RUFY2: variants seen among roughly 807,000 people sequenced by gnomAD.
RUFY2 encodes RUN and FYVE domain-containing protein 2.
Under a neutral mutation model 94.4 loss-of-function variants are expected in RUFY2, and 49 were observed. That is an observed-to-expected ratio of 0.52 (90% CI 0.41 to 0.66). The LOEUF (loss-of-function observed/expected upper bound fraction) is 0.66, where lower values mean the gene tolerates loss of function less well. Among genes scored for constraint, RUFY2 ranks in the 30% least tolerant of loss-of-function variants. The pLI, the probability that RUFY2 is intolerant of heterozygous loss-of-function variation, is 0.00. For missense variants in RUFY2, 541 were observed against 692.8 expected, an observed-to-expected ratio of 0.78 and a Z score of 2.46; for synonymous variants, 255 against 235.7, an observed-to-expected ratio of 1.08 and a Z score of -0.75.
chr10:68,366,468 C>T (rs564455095), intron 13 of RUFY2, among the ~76,000 whole-genome samples: 38 of 150,928 alleles, frequency 2.5e-4, no homozygotes, highest in African/African-American at 9.0e-4. Context: ...TCAGGCTGGG[C>T]GCAGTGGCTT....
rs775933343 is a variant in RUFY2 at position 68,345,806 on chromosome 10, C to A, written c.1783G>T (p.Ala595Ser). Reference sequence around the variant, plus strand: ...GATGAGCATCTCTGAATGAGCAGTGCATGACAGGAATCACAAACCCGTACT... The same window carrying A: ...GATGAGCATCTCTGAATGAGCAGTGAATGACAGGAATCACAAACCCGTACT... ...KPVRVCDSCH[A>S]LLIQRCSSNL... The change falls in exon 18 of 18, where the codon GCA becomes TCA. Residue 595 changes from alanine to serine, a missense_variant. This residue lies in a region of RUFY2 where 403 missense variants were observed against 480.7 expected (regional missense o/e 0.84). Coordinates refer to ENST00000602465, the MANE Select transcript of RUFY2 (RefSeq NM_001330103.2). 6.2e-7 allele frequency: 1 copy of A among 1,613,910 alleles called. No individual in the cohort carries two copies. The highest frequency in any genetic ancestry group is 1.1e-5 in the South Asian group (1 of 91,088).
chr10:68,345,953 AAAATT>A (rs752761418), intron 17 of RUFY2, 42 bp from the exon 18 acceptor site: 69 of 1,612,274 alleles, frequency 4.3e-5, no homozygotes, highest in Non-Finnish European at 5.8e-5. Flanking sequence ...CACTTTAAAT[AAAATT>A]AGCATTTTTG....
chr10:68,405,508 A>C (rs2051222391), intron 1 of RUFY2: 6 of 931,468 alleles, frequency 6.4e-6, no homozygotes, highest in Middle Eastern at 5.5e-4. Context: ...GGTGAGAGAC[A>C]ACAGGTTTAA....
chr10:68,400,428 G>A (rs2050728086), intron 3 of RUFY2, among the ~76,000 whole-genome samples: 2 of 152,056 alleles, frequency 1.3e-5, no homozygotes, highest in African/African-American at 2.4e-5. Flanking sequence ...TGTAATCCCA[G>A]CACTTTGGGA....
rs1203390579 is a variant in RUFY2 at position 68,376,440 on chromosome 10, G to GTATA, written c.1325+412_1325+413insTATA. Among the ~76,000 whole-genome samples, 155 of 48,232 alleles carry GTATA rather than the reference G, an allele frequency of 3.2e-3. 12 individuals carry two copies. The highest frequency in any genetic ancestry group is 0.012 in the East Asian group (12 of 1,020). The allele number at this position is 48,232 out of a possible 152,430, so 31.6% of individuals were successfully genotyped here. A position where few individuals can be genotyped will look rare whatever the true frequency, so the allele number is the denominator to read the frequency against. On this transcript the variant is annotated intron_variant, in intron 13 of 17. Transcript: ENST00000602465. ...GTGAAACTTCATCTCAAAAAAATGTGTGTATATATATATATATATATATAT... is the reference window on the plus strand; with the variant it reads ...GTGAAACTTCATCTCAAAAAAATGTGTATATGTATATATATATATATATATATAT...
intron 13 of RUFY2, among the ~76,000 whole-genome samples, chr10:68,376,446 A>C (rs1477960903): frequency 1.5e-4 from 1 of 6,526 alleles, no homozygotes; most frequent in South Asian, 3.3e-3. Context: ...ATGTGTGTAT[A>C]TATATATATA....
chr10:68,341,264 C>T, downstream of RUFY2: 1 of 1,606,026 alleles, frequency 6.2e-7, no homozygotes, highest in Non-Finnish European at 8.5e-7. Context: ...GTTTGTGACA[C>T]ATGAAGATGC....
Position 68,346,017 on chromosome 10 carries a change from G to A in RUFY2, c.1667C>T (p.Ser556Phe). ...CKLCEKEFSL[S>F]KRKHHCRNCG... Reference sequence around the variant, plus strand: ...TCTTATCTCCCTTACCTTTCTCTTAGAGAGTGAGAATTCCTTTTCACAAAG... The same window carrying A: ...TCTTATCTCCCTTACCTTTCTCTTAAAGAGTGAGAATTCCTTTTCACAAAG... The change falls in exon 17 of 18, where the codon TCT (serine) becomes TTT (phenylalanine). Residue 556 changes from serine (S) to phenylalanine (F), a missense_variant. Physicochemically the swap from Ser to Phe is radical, Grantham distance 155 (BLOSUM62 -2). Transcript: ENST00000602465. 3 of 1,613,658 alleles carry A rather than the reference G, an allele frequency of 1.9e-6. No homozygotes were observed. The highest frequency in any genetic ancestry group is 2.5e-6 in the Non-Finnish European group (3 of 1,179,774).
chr10:68,394,487 A>G (rs760839035), intron 4 of RUFY2, 36 bp from the exon 5 acceptor site: 2 of 1,487,858 alleles, frequency 1.3e-6, no homozygotes, highest in East Asian at 4.5e-5. Context: ...TTTAAATCAC[A>G]AATTTATTTC....
At position 68,345,714 on chromosome 10, in the gene RUFY2, C is replaced by T; in HGVS notation, c.*54G>A. ...GCTGTCTGGTTACCTTTGTATACAA[C>T]ATCATAACATTCATTGTAGGTAATT... On this transcript the variant is annotated 3_prime_UTR_variant, in exon 18 of 18. Coordinates refer to ENST00000602465, the MANE Select transcript of RUFY2 (RefSeq NM_001330103.2). 3.3e-6 allele frequency: 5 copies of T among 1,538,378 alleles called. No individual in the cohort carries two copies. Among genetic ancestry groups the T allele is most frequent in the Non-Finnish European group, 4.5e-6 (5 of 1,122,298 alleles).
intron 15 of RUFY2, among the ~76,000 whole-genome samples, chr10:68,359,537 T>TAA (rs2132436181): frequency 6.9e-6 from 1 of 145,970 alleles, no homozygotes; most frequent in East Asian, 2.0e-4. Flanking sequence ...TTTATATATA[T>TAA]AATGCTACTA....
downstream of RUFY2, chr10:68,342,019 G>C (rs777967068): frequency 1.4e-5 from 22 of 1,613,862 alleles, no homozygotes; most frequent in Non-Finnish European, 1.8e-5. Context: ...TGGGCAAGGC[G>C]GCATGAGTGG....
At chr10:68,405,036 C>T (rs1426123588) in intron 1 of RUFY2, among the ~76,000 whole-genome samples, 192 bp from the exon 2 acceptor site, 17 of 152,124 alleles carry the variant, frequency 1.1e-4, no homozygotes, top group Admixed American at 1.1e-3. Flanking sequence ...AATTTCCGGC[C>T]AGGCGCGGTG....
At chr10:68,363,753 T>C (rs2047620631) in intron 14 of RUFY2, 69 bp from the exon 15 acceptor site, 1 of 1,002,336 alleles carries the variant, frequency 1.0e-6, no homozygotes, top group East Asian at 2.6e-5. Flanking sequence ...ATTGTACATA[T>C]ACCATTAATT....
Position 68,384,002 on chromosome 10 carries a change from T to C in RUFY2, c.822+49A>G, listed in dbSNP as rs2049290124. On this transcript the variant is annotated intron_variant, in intron 9 of 17. Coordinates refer to ENST00000602465, the MANE Select transcript of RUFY2 (RefSeq NM_001330103.2). ...TACTTCATCCAAAAATCCCCAAAAA[T>C]GGTAATTTCTGACACGAGATTGTCT... is the stretch of plus-strand genomic sequence containing the variant. The C allele has an allele frequency of 3.2e-6, 5 of 1,585,102 alleles. No individual in the cohort carries two copies. The South Asian group carries it at 3.3e-5, about 11-fold the overall frequency.
intron 7 of RUFY2, among the ~76,000 whole-genome samples, chr10:68,387,771 G>A (rs934159761): frequency 4.0e-5 from 5 of 123,594 alleles, no homozygotes; most frequent in Non-Finnish European, 8.9e-5. Flanking sequence ...TTGGGAGGCC[G>A]AGGCGGGCAG....
At chr10:68,384,955 G>A (rs560832794) in intron 8 of RUFY2, among the ~76,000 whole-genome samples, 43 of 152,152 alleles carry the variant, frequency 2.8e-4, no homozygotes, top group African/African-American at 9.4e-4. Flanking sequence ...TCATGTGTTC[G>A]TTGGTTTGGA....
At chr10:68,377,095 G>T in intron 12 of RUFY2, 123 bp from the exon 13 acceptor site, 1 of 1,519,122 alleles carries the variant, frequency 6.6e-7, no homozygotes, top group South Asian at 1.3e-5. Flanking sequence ...ACAAAGTTTG[G>T]GGGAAAACTC....
In RUFY2 at chr10:68,345,567, C is replaced by T. The variant is rs557887742; in HGVS notation, c.*201G>A. ...ATGAGTTACATGATTTTTAAGCATG[C>T]TCTGTTGAAAATACATTTTGAAAAA... On this transcript the variant is annotated 3_prime_UTR_variant, in exon 18 of 18. Coordinates refer to ENST00000602465, the MANE Select transcript of RUFY2 (RefSeq NM_001330103.2). The T allele has an allele frequency of 6.0e-6, 3 of 499,918 alleles. No individual in the cohort carries two copies. Among genetic ancestry groups the T allele is most frequent in the South Asian group, 7.8e-5 (2 of 25,738 alleles). 31.0% of individuals were successfully genotyped at this position (499,918 alleles called of 1,614,324 possible). A position where few individuals can be genotyped will look rare whatever the true frequency, so the allele number is the denominator to read the frequency against.
Sources: allele counts gnomAD v4.1 joint callset (sites outside exome capture counted in the v4.1 genomes callset), GRCh38; gene constraint gnomAD v4.1.1; regional missense constraint gnomAD v4.1.1; transcripts MANE v1.5; gene names NCBI Gene and HGNC (gene_info 2026-07-23, HGNC 2026-07-21).